CDON: variants seen among roughly 807,000 people sequenced by gnomAD.
CDON encodes the protein cell adhesion associated, oncogene regulated.
Under a neutral mutation model 120.9 loss-of-function variants are expected in CDON, and 73 were observed. The observed-to-expected ratio is 0.60, with a 90% CI of 0.50 to 0.73. The LOEUF (loss-of-function observed/expected upper bound fraction) is 0.73, where lower values mean the gene tolerates loss of function less well. Among genes scored for constraint, CDON ranks in the 30% least tolerant of loss-of-function variants. The pLI, the probability that CDON is intolerant of heterozygous loss-of-function variation, is 0.00. For missense variants in CDON, 1,470 were observed against 1,587.3 expected (o/e 0.93, Z 1.26); for synonymous variants, 566 against 573.5 (o/e 0.99, Z 0.19).
In CDON at chr11:126,001,738, A is replaced by G. The variant is rs144874246; in HGVS notation, c.2139T>C (p.Asp713=). ...TTTTACCTCCACTGTGCCTAGAGGA[A>G]TCTGTAAGTACCACTCCAAAATTGT... The part of the protein sequence containing the change: ...ANNNFGVVLT[D]SSRHSGVPEA... The change falls in exon 11 of 20, where the codon GAT becomes GAC. Residue 713 remains aspartate (D), a synonymous_variant. Coordinates refer to ENST00000531738, the MANE Select transcript of CDON (RefSeq NM_001378964.1). The G allele has an allele frequency of 1.2e-4, 193 of 1,613,568 alleles. No homozygotes were observed. The African/African-American group carries it at 2.1e-3, about 18-fold the overall frequency.
chr11:126,058,183 T>C (rs1327853968), intron 1 of CDON, among the ~76,000 whole-genome samples: 1 of 152,238 alleles, frequency 6.6e-6, no homozygotes, highest in Admixed American at 6.5e-5. Context: ...CTAAGTTCAG[T>C]AATATAACCC....
intron 6 of CDON, among the ~76,000 whole-genome samples, chr11:126,016,458 G>C (rs751051181): frequency 4.6e-5 from 7 of 151,814 alleles, no homozygotes; most frequent in African/African-American, 1.7e-4. Flanking sequence ...TTTGAGACAG[G>C]GTCTGGCTCT....
At chr11:125,993,427 C>T (rs1314010026) in intron 14 of CDON, among the ~76,000 whole-genome samples, 4 of 147,610 alleles carry the variant, frequency 2.7e-5, no homozygotes, top group Non-Finnish European at 3.0e-5. Context: ...ACACACACAA[C>T]CACGTGCTTA....
At chr11:126,001,264 T>C (rs1384204804) in intron 11 of CDON, among the ~76,000 whole-genome samples, 1 of 151,246 alleles carries the variant, frequency 6.6e-6, no homozygotes, top group African/African-American at 2.4e-5. Context: ...CTCAGCTCAC[T>C]ACAACATCTT....
chr11:126,019,643 C>T lies in CDON; in HGVS notation c.472G>A (p.Gly158Arg). ...PKAEVRYKIR[G>R]KWLEHSTENY... The stretch of plus-strand genomic sequence containing the variant: ...CCTGTGGAATGTTCCAGCCATTTTC[C>T]CCGGATTTTATAGCGCACCTCAGCT... Residue 158 changes from glycine (G) to arginine (R), a missense_variant, in exon 4 of 20, where the codon GGA becomes AGA. Physicochemically the swap from Gly to Arg is moderately radical, Grantham distance 125. Transcript: ENST00000531738. 6.2e-7 allele frequency: 1 copy of T among 1,614,032 alleles called. No individual in the cohort carries two copies. The highest frequency in any genetic ancestry group is 8.5e-7 in the Non-Finnish European group (1 of 1,179,990).
At chr11:126,045,353 A>C (rs1948379218) in intron 1 of CDON, among the ~76,000 whole-genome samples, 1 of 152,200 alleles carries the variant, frequency 6.6e-6, no homozygotes, top group African/African-American at 2.4e-5. Context: ...AAAGCACTTA[A>C]ATTTGTGGGA....
At chr11:126,031,156 A>C (rs2134756408) in intron 1 of CDON, among the ~76,000 whole-genome samples, 1 of 152,346 alleles carries the variant, frequency 6.6e-6, no homozygotes, top group East Asian at 1.9e-4. Flanking sequence ...TACTTGGTGC[A>C]TGCTTACTAT....
intron 1 of CDON, among the ~76,000 whole-genome samples, chr11:126,036,887 C>T (rs559534358): frequency 2.0e-5 from 3 of 152,312 alleles, no homozygotes; most frequent in Admixed American, 6.5e-5. Context: ...CAGGGTCTCA[C>T]ATGTTGCCCA....
intron 1 of CDON, among the ~76,000 whole-genome samples, chr11:126,026,222 CACTT>C (rs935980278): frequency 6.6e-6 from 1 of 152,216 alleles, no homozygotes; most frequent in Non-Finnish European, 1.5e-5. Context: ...TTCCTTCACT[CACTT>C]ATTCATTCAT....
intron 1 of CDON, among the ~76,000 whole-genome samples, chr11:126,060,429 T>A (rs966083497): frequency 6.6e-6 from 1 of 152,186 alleles, no homozygotes; most frequent in Admixed American, 6.5e-5. Context: ...AAGCAACACA[T>A]TTTTCAACTC....
chr11:126,021,624 G>C lies in CDON; in HGVS notation c.77-104C>G. The stretch of plus-strand genomic sequence containing the variant: ...TTCATCTGTATCTTTATAACTAAAG[G>C]CAATCTTTTATTTTATATATGTTAT... On this transcript the variant is annotated intron_variant, in intron 2 of 19. Coordinates refer to ENST00000531738, the MANE Select transcript of CDON (RefSeq NM_001378964.1). 17 of 1,010,404 alleles carry C rather than the reference G, an allele frequency of 1.7e-5. No homozygotes were observed. The South Asian group carries it at 2.5e-4, about 15-fold the overall frequency. 62.6% of individuals were successfully genotyped at this position (1,010,404 alleles called of 1,614,324 possible).
intron 1 of CDON, among the ~76,000 whole-genome samples, chr11:126,036,719 C>T (rs1412687855): frequency 1.3e-5 from 2 of 152,210 alleles, no homozygotes; most frequent in Non-Finnish European, 2.9e-5. Context: ...GACAGGGTCT[C>T]GCTCTGCTGC....
chr11:126,025,399 T>C (rs1947766486), intron 1 of CDON, among the ~76,000 whole-genome samples: 1 of 151,728 alleles, frequency 6.6e-6, no homozygotes, highest in Non-Finnish European at 1.5e-5. Context: ...TAGTTCAGGG[T>C]AGAATGGGAA....
Position 125,972,362 on chromosome 11 carries a change from C to T in CDON, c.3356+5942G>A, listed in dbSNP as rs761807705. ...AGAATCGCTTGAACCCAGGAAGCGGCGTTGCAGTGAGCCAAGACTACACCA... is the reference window on the plus strand; with the variant it reads ...AGAATCGCTTGAACCCAGGAAGCGGTGTTGCAGTGAGCCAAGACTACACCA... On this transcript the variant is annotated intron_variant, in intron 18 of 19. Transcript: ENST00000531738. 6.6e-5 allele frequency among the ~76,000 whole-genome samples: 10 copies of T among 151,906 alleles called. No homozygotes were observed. The South Asian group carries it at 1.0e-3, about 16-fold the overall frequency.
At chr11:125,963,624 C>T (rs1278345992) in intron 18 of CDON, among the ~76,000 whole-genome samples, 1 of 152,146 alleles carries the variant, frequency 6.6e-6, no homozygotes, top group African/African-American at 2.4e-5. Context: ...TGTCAGCAAA[C>T]CAAATCTTTA....
At chr11:126,001,640 C>T (rs548290220) in intron 11 of CDON, 79 bp downstream of exon 11, 1 of 1,228,176 alleles carries the variant, frequency 8.1e-7, no homozygotes, top group Non-Finnish European at 1.2e-6. Context: ...AAACAAACAC[C>T]CTATTCCACC....
At chr11:126,044,381 G>GAT (rs1432001365) in intron 1 of CDON, among the ~76,000 whole-genome samples, 1 of 152,118 alleles carries the variant, frequency 6.6e-6, no homozygotes, top group Non-Finnish European at 1.5e-5. Flanking sequence ...GACACTGCTG[G>GAT]ATATATATCC....
chr11:126,021,166 G>C, intron 3 of CDON, 82 bp downstream of exon 3: 1 of 1,438,660 alleles, frequency 7.0e-7, no homozygotes, highest in Non-Finnish European at 9.6e-7. Context: ...CAAAGCCCAT[G>C]GTCTTTCCCC....
At chr11:126,008,967 C>T (rs112606791) in intron 8 of CDON, among the ~76,000 whole-genome samples, 11 of 152,294 alleles carry the variant, frequency 7.2e-5, no homozygotes, top group African/African-American at 2.4e-4. Context: ...TATTGCCAGA[C>T]ACCATTCTAA....
Sources: allele counts gnomAD v4.1 joint callset (sites outside exome capture counted in the v4.1 genomes callset), GRCh38; gene constraint gnomAD v4.1.1; transcripts MANE v1.5; gene names NCBI Gene and HGNC (gene_info 2026-07-23, HGNC 2026-07-21).